Variants in DVL3 observed in about 807,000 individuals in gnomAD.
DVL3 encodes the protein dishevelled segment polarity protein 3.
In DVL3, 27 loss-of-function variants were observed where a neutral mutation model predicts 67.4. That is an observed-to-expected ratio of 0.40 (90% CI 0.30 to 0.55). DVL3 has a LOEUF of 0.55. Among genes scored for constraint, DVL3 ranks in the 20% least tolerant of loss-of-function variants. The pLI is 0.46. For synonymous variants in DVL3, 369 were observed against 396.8 expected (o/e 0.93, Z 0.83); for missense variants, 819 against 1,021.5 (o/e 0.80, Z 2.70).
chr3:184,162,621 G>A (rs185355102), intron 1 of DVL3, among the ~76,000 whole-genome samples: 209 of 145,650 alleles, frequency 1.4e-3, no homozygotes, highest in African/African-American at 5.1e-3. Context: ...GCACAGTGGC[G>A]TGATCTCAGC....
At chr3:184,157,870 T>C (rs1714250954) in intron 1 of DVL3, among the ~76,000 whole-genome samples, 1 of 152,236 alleles carries the variant, frequency 6.6e-6, no homozygotes, top group Non-Finnish European at 1.5e-5. Context: ...TAGAGCTGTC[T>C]TGTCACAGAG....
chr3:184,167,500 TG>T lies in DVL3; in HGVS notation c.1199-78del. ...CAGCATTGATCCCATAATTACTAGA[TG>T]GTAGAGCTAGAATGCAAACTCTTGT... On this transcript the variant is annotated intron_variant, in intron 11 of 14. Transcript: ENST00000313143. The surrounding 1 kb of genome is among the most constrained non-coding windows in gnomAD (Gnocchi z 4.6). The T allele has an allele frequency of 7.3e-7, 1 of 1,365,370 alleles. No individual in the cohort carries two copies. Among genetic ancestry groups the T allele is most frequent in the Non-Finnish European group, 1.0e-6 (1 of 976,462 alleles). 84.6% of individuals were successfully genotyped at this position (1,365,370 alleles called of 1,614,324 possible). A position where few individuals can be genotyped will look rare whatever the true frequency, so the allele number is the denominator to read the frequency against.
chr3:184,170,972 C>T lies in DVL3; in HGVS notation c.*217C>T, dbSNP rs1714815120. On this transcript the variant is annotated 3_prime_UTR_variant, in exon 15 of 15. Transcript: ENST00000313143. The surrounding 1 kb of genome is among the most constrained non-coding windows in gnomAD (Gnocchi z 6.5). ...CCTGCCTCTGGCCCCAGTTCGTTTC[C>T]TCTGCCCACTAATCCCTGCGCAGGA... 4.6e-6 allele frequency: 7 copies of T among 1,519,832 alleles called. No individual in the cohort carries two copies. Among genetic ancestry groups the T allele is most frequent in the Middle Eastern group, 3.5e-4 (2 of 5,690 alleles). The allele number at this position is 1,519,832 out of a possible 1,614,324, so 94.1% of individuals were successfully genotyped here. A position where few individuals can be genotyped will look rare whatever the true frequency, so the allele number is the denominator to read the frequency against.
In DVL3 at chr3:184,165,352, T is replaced by G. The variant is rs1228832386; in HGVS notation, c.694-70T>G. On this transcript the variant is annotated intron_variant, in intron 6 of 14. Coordinates refer to ENST00000313143, the MANE Select transcript of DVL3 (RefSeq NM_004423.4). The surrounding 1 kb of genome is among the most constrained non-coding windows in gnomAD (Gnocchi z 4.1). ...TGGGGGCTGCACCGGGGACTCACCTTGAGGAGGAGTCAGGTGGGAGTGAAT... is the reference window on the plus strand; with the variant it reads ...TGGGGGCTGCACCGGGGACTCACCTGGAGGAGGAGTCAGGTGGGAGTGAAT... The G allele has an allele frequency of 1.3e-5, 20 of 1,568,890 alleles. No homozygotes were observed. Among genetic ancestry groups the G allele is most frequent in the Non-Finnish European group, 1.7e-5 (19 of 1,141,986 alleles).
In DVL3 at chr3:184,167,765, C is replaced by T. The variant is rs1278764727; in HGVS notation, c.1330+54C>T. On this transcript the variant is annotated intron_variant, in intron 12 of 14. Coordinates refer to ENST00000313143, the MANE Select transcript of DVL3 (RefSeq NM_004423.4). The surrounding 1 kb of genome is among the most constrained non-coding windows in gnomAD (Gnocchi z 4.6). ...GTGGGTGGGGAGTGATGGGGCAGGG[C>T]AGGCCGGAGGGCCCAGGACTTGCCT... is the stretch of plus-strand genomic sequence containing the variant. 5.7e-6 allele frequency: 9 copies of T among 1,589,346 alleles called. No individual in the cohort carries two copies. Among genetic ancestry groups the T allele is most frequent in the Admixed American group, 5.2e-5 (3 of 58,146 alleles).
At chr3:184,160,952 C>CCGCA (rs1023563429) in intron 1 of DVL3, among the ~76,000 whole-genome samples, 24 of 152,184 alleles carry the variant, frequency 1.6e-4, no homozygotes, top group African/African-American at 5.8e-4. Flanking sequence ...CCATGGTGGG[C>CCGCA]CGCAGTAGGA....
Position 184,156,019 on chromosome 3 carries a change from A to G in DVL3, c.161+223A>G, listed in dbSNP as rs142258190. 7.2e-5 allele frequency among the ~76,000 whole-genome samples: 11 copies of G among 152,204 alleles called. No homozygotes were observed. The East Asian group carries it at 1.4e-3, about 19-fold the overall frequency. On this transcript the variant is annotated intron_variant, in intron 1 of 14. Transcript: ENST00000313143. ...CCTCCCTTGTTTAAGGGGACGTCCA[A>G]TTCCCCACTAGCAATCAGAGTTCCT...
chr3:184,157,907 A>G (rs551425340), intron 1 of DVL3, among the ~76,000 whole-genome samples: 3 of 152,356 alleles, frequency 2.0e-5, no homozygotes, highest in Middle Eastern at 6.8e-3. Flanking sequence ...GCATATATAT[A>G]TGTTTCATTT....
chr3:184,155,700 C>A lies in DVL3; in HGVS notation c.65C>A (p.Pro22His). 1 of 1,613,166 alleles carries A rather than the reference C, an allele frequency of 6.2e-7. No homozygotes were observed. Among genetic ancestry groups the A allele is most frequent in the Non-Finnish European group, 8.5e-7 (1 of 1,179,786 alleles). ...GQETPYLVKL[P>H]LPAERVTLAD... The stretch of plus-strand genomic sequence containing the variant: ...GAGACGCCGTACCTTGTGAAGCTGC[C>A]CCTGCCCGCCGAGCGCGTCACCTTG... The change falls in exon 1 of 15, where the codon CCC becomes CAC. Residue 22 changes from proline to histidine, a missense_variant. Around this residue, in one of 3 missense-constraint regions of DVL3, gnomAD observed 385 missense variants for 486.8 expected, o/e 0.79. Transcript: ENST00000313143. This position sits in a 1 kb window ranked among gnomAD's most constrained non-coding sequence, Gnocchi z 5.4.
At position 184,171,307 on chromosome 3, in the gene DVL3, A is replaced by C; in HGVS notation, c.*552A>C. 1 of 1,024,248 alleles carries C rather than the reference A, an allele frequency of 9.8e-7. No individual in the cohort carries two copies. Among genetic ancestry groups the C allele is most frequent in the South Asian group, 3.5e-5 (1 of 28,408 alleles). The allele number at this position is 1,024,248 out of a possible 1,614,324, so 63.4% of individuals were successfully genotyped here. A position where few individuals can be genotyped will look rare whatever the true frequency, so the allele number is the denominator to read the frequency against. ...CCTGCTGCCTCAGTCCTGCAACCTA[A>C]AGCTGTAGTCGCCTCCAATAGCCAT... On this transcript the variant is annotated 3_prime_UTR_variant, in exon 15 of 15. Coordinates refer to ENST00000313143, the MANE Select transcript of DVL3 (RefSeq NM_004423.4).
chr3:184,163,987 A>G lies in DVL3; in HGVS notation c.231+261A>G, dbSNP rs1709642. ...TATGCCGTTCAGACACTTGCCTCAG[A>G]TTTCCTTCTGCCATCTGCTCATCTC... On this transcript the variant is annotated intron_variant, in intron 2 of 14. Coordinates refer to ENST00000313143, the MANE Select transcript of DVL3 (RefSeq NM_004423.4). This position sits in a 1 kb window ranked among gnomAD's most constrained non-coding sequence, Gnocchi z 4.5. Among the ~76,000 whole-genome samples, 66,377 of 151,656 alleles carry G rather than the reference A, an allele frequency of 0.44. 14,981 individuals are homozygous for G. The highest frequency in any genetic ancestry group is 0.55 in the East Asian group (2,820 of 5,100).
rs754383852 is a variant in DVL3 at position 184,170,376 on chromosome 3, C to G, written c.1772C>G (p.Pro591Arg). 6.7e-5 allele frequency: 108 copies of G among 1,605,582 alleles called. No individual in the cohort carries two copies. Among genetic ancestry groups the G allele is most frequent in the Admixed American group, 1.4e-4 (8 of 58,888 alleles). ...SGSDRRKEKD[P>R]KAGDSKSGGS... is the part of the protein sequence containing the mutation. ...AGCGATCGGAGGAAGGAGAAGGACCCGAAGGCCGGGGACTCCAAGTCCGGG... is the reference window on the plus strand; with the variant it reads ...AGCGATCGGAGGAAGGAGAAGGACCGGAAGGCCGGGGACTCCAAGTCCGGG... Residue 591 changes from proline to arginine, a missense_variant, in exon 15 of 15, where the codon CCG becomes CGG. By Grantham distance (103) the Pro-to-Arg change is moderately radical. This residue lies in a region of DVL3 where 324 missense variants were observed against 331.3 expected (regional missense o/e 0.98). Transcript: ENST00000313143. The surrounding 1 kb of genome is among the most constrained non-coding windows in gnomAD (Gnocchi z 6.5).
At position 184,164,632 on chromosome 3, in the gene DVL3, C is replaced by T. The variant is rs370614420; in HGVS notation, c.463+31C>T. ...TCTTCCTGAACACGGACACTGTCCG[C>T]ACCTCACACCCTCCCCTCACTTTCC... is the stretch of plus-strand genomic sequence containing the variant. On this transcript the variant is annotated intron_variant, in intron 4 of 14. Transcript: ENST00000313143. The surrounding 1 kb of genome is among the most constrained non-coding windows in gnomAD (Gnocchi z 5.3). 19 of 1,549,050 alleles carry T rather than the reference C, an allele frequency of 1.2e-5. No individual in the cohort carries two copies. The African/African-American group carries it at 2.0e-4, about 17-fold the overall frequency.
In DVL3 at chr3:184,155,904, C is replaced by G. The variant is rs1714166724; in HGVS notation, c.161+108C>G. The G allele has an allele frequency of 7.3e-7, 1 of 1,374,332 alleles. No individual in the cohort carries two copies. Among genetic ancestry groups the G allele is most frequent in the African/African-American group, 1.5e-5 (1 of 68,562 alleles). 85.1% of individuals were successfully genotyped at this position (1,374,332 alleles called of 1,614,324 possible). ...CGCTACACCGGCTCCTAGCCCCGCTCTGACTTCTAGGGGCGACTCGGCCCA... is the reference window on the plus strand; with the variant it reads ...CGCTACACCGGCTCCTAGCCCCGCTGTGACTTCTAGGGGCGACTCGGCCCA... On this transcript the variant is annotated intron_variant, in intron 1 of 14. Coordinates refer to ENST00000313143, the MANE Select transcript of DVL3 (RefSeq NM_004423.4). This position sits in a 1 kb window ranked among gnomAD's most constrained non-coding sequence, Gnocchi z 5.4.
At position 184,171,918 on chromosome 3, in the gene DVL3, C is replaced by T. The variant is rs1467112202; in HGVS notation, c.*1163C>T. On this transcript the variant is annotated 3_prime_UTR_variant, in exon 15 of 15. Transcript: ENST00000313143. ...TGCCTATGCAAGTTCATTTAAGCCT[C>T]AGGGCTGGTCCCTGCCCAAAGGGCT... The T allele has an allele frequency of 6.5e-6, 1 of 152,922 alleles. No homozygotes were observed. Among genetic ancestry groups the T allele is most frequent in the African/African-American group, 2.4e-5 (1 of 41,478 alleles). 9.5% of individuals were successfully genotyped at this position (152,922 alleles called of 1,614,324 possible).
chr3:184,165,382 G>GC lies in DVL3; in HGVS notation c.694-38dup, dbSNP rs1714545167. The stretch of plus-strand genomic sequence containing the variant: ...AGGAGTCAGGTGGGAGTGAATTCCT[G>GC]CCACCTCCACCTGCTGCTCAGGGCC... On this transcript the variant is annotated intron_variant, in intron 6 of 14. Coordinates refer to ENST00000313143, the MANE Select transcript of DVL3 (RefSeq NM_004423.4). This position sits in a 1 kb window ranked among gnomAD's most constrained non-coding sequence, Gnocchi z 4.1. 6.2e-7 allele frequency: 1 copy of GC among 1,605,422 alleles called. No individual in the cohort carries two copies. Among genetic ancestry groups the GC allele is most frequent in the Non-Finnish European group, 8.5e-7 (1 of 1,172,928 alleles).
Position 184,170,634 on chromosome 3 carries a change from G to A in DVL3, c.2030G>A (p.Gly677Glu). 1 of 1,609,742 alleles carries A rather than the reference G, an allele frequency of 6.2e-7. No homozygotes were observed. The highest frequency in any genetic ancestry group is 1.7e-5 in the Admixed American group (1 of 59,562). The change falls in exon 15 of 15, where the codon GGG becomes GAG. Residue 677 changes from glycine (G) to glutamate (E), a missense_variant. By Grantham distance (98) the Gly-to-Glu change is moderately conservative (BLOSUM62 -2). Coordinates refer to ENST00000313143, the MANE Select transcript of DVL3 (RefSeq NM_004423.4). The surrounding 1 kb of genome is among the most constrained non-coding windows in gnomAD (Gnocchi z 6.5). ...LMMPPPPAAM[G>E]PPGAPPGRDL... ...ATGCCCCCGCCGCCCGCGGCCATGG[G>A]GCCCCCAGGAGCCCCTCCGGGCCGC...
chr3:184,170,302 C>T lies in DVL3; in HGVS notation c.1715-17C>T. ...CCGCTCAGCCTGCCCCACCCCGGCC[C>T]TGTTTGCCTCCTACAGGCAGTCGGA... On this transcript the variant is annotated splice_polypyrimidine_tract_variant and intron_variant, in intron 14 of 14. Coordinates refer to ENST00000313143, the MANE Select transcript of DVL3 (RefSeq NM_004423.4). This position sits in a 1 kb window ranked among gnomAD's most constrained non-coding sequence, Gnocchi z 6.5. 1.3e-6 allele frequency: 2 copies of T among 1,594,072 alleles called. No homozygotes were observed. Among genetic ancestry groups the T allele is most frequent in the Non-Finnish European group, 1.7e-6 (2 of 1,169,966 alleles).
In DVL3 at chr3:184,165,581, G is replaced by T. The variant is rs1257148162; in HGVS notation, c.763+90G>T. The T allele has an allele frequency of 1.8e-5, 21 of 1,150,822 alleles. No homozygotes were observed. The highest frequency in any genetic ancestry group is 2.7e-5 in the Non-Finnish European group (21 of 769,762). 71.3% of individuals were successfully genotyped at this position (1,150,822 alleles called of 1,614,324 possible). A position where few individuals can be genotyped will look rare whatever the true frequency, so the allele number is the denominator to read the frequency against. ...TCAGAGAGCGTAGAATATGTTCCCT[G>T]CCCTCAAGGAGCTCTCTTTCGTAAA... On this transcript the variant is annotated intron_variant, in intron 7 of 14. Transcript: ENST00000313143. This position sits in a 1 kb window ranked among gnomAD's most constrained non-coding sequence, Gnocchi z 4.1.
Sources: allele counts gnomAD v4.1 joint callset (sites outside exome capture counted in the v4.1 genomes callset), GRCh38; gene constraint gnomAD v4.1.1; regional missense constraint gnomAD v4.1.1; non-coding constraint Gnocchi (gnomAD v3.1); transcripts MANE v1.5; gene names NCBI Gene and HGNC (gene_info 2026-07-23, HGNC 2026-07-21).